RARS2: variants seen among roughly 807,000 people sequenced by gnomAD.
RARS2 encodes arginyl-tRNA synthetase 2, mitochondrial.
Under a neutral mutation model 88.5 loss-of-function variants are expected in RARS2, and 67 were observed. The observed-to-expected ratio is 0.76, with a 90% CI of 0.62 to 0.93. RARS2 has a LOEUF of 0.93. RARS2 is among the 40% of genes least tolerant of loss of function. The pLI is 0.00. For synonymous variants in RARS2, 239 were observed against 230.3 expected (o/e 1.04, Z -0.34); for missense variants, 664 against 684.2 (o/e 0.97, Z 0.33).
At chr6:87,533,880 T>G (rs1415162303) in intron 8 of RARS2, among the ~76,000 whole-genome samples, 1 of 152,196 alleles carries the variant, frequency 6.6e-6, no homozygotes, top group Non-Finnish European at 1.5e-5. Context: ...TGGGCACAGT[T>G]TAACTCCTTG....
chr6:87,543,962 A>C (rs181773127), intron 7 of RARS2, among the ~76,000 whole-genome samples: 304 of 152,308 alleles, frequency 2.0e-3, no homozygotes, highest in African/African-American at 6.9e-3. Flanking sequence ...TACATTTTCA[A>C]AAACTAATTC....
intron 8 of RARS2, among the ~76,000 whole-genome samples, chr6:87,541,217 T>C (rs7768566): frequency 0.42 from 63,144 of 152,040 alleles, 13,220 homozygotes; most frequent in Admixed American, 0.49. Flanking sequence ...TGCTCTGTTG[T>C]CCAGGCTGGA....
chr6:87,556,922 G>A (rs1786130451), intron 4 of RARS2, among the ~76,000 whole-genome samples: 1 of 151,894 alleles, frequency 6.6e-6, no homozygotes, highest in South Asian at 2.1e-4. Context: ...AAAGTGCTGG[G>A]ATTATAGGTA....
At chr6:87,586,604 A>C (rs1376247839) in intron 1 of RARS2, among the ~76,000 whole-genome samples, 1 of 152,168 alleles carries the variant, frequency 6.6e-6, no homozygotes. Context: ...GGCAGAAACT[A>C]TTTTCCGTTC....
At chr6:87,562,011 T>C (rs1469823103) in intron 4 of RARS2, among the ~76,000 whole-genome samples, 1 of 152,208 alleles carries the variant, frequency 6.6e-6, no homozygotes, top group East Asian at 1.9e-4. Context: ...GTCACCAAGG[T>C]TGGAGTGCAA....
intron 1 of RARS2, among the ~76,000 whole-genome samples, chr6:87,587,874 G>A (rs564465685): frequency 6.4e-4 from 98 of 152,214 alleles, no homozygotes; most frequent in African/African-American, 2.2e-3. Context: ...GGGCCCAAAC[G>A]ATCCTCCCAC....
intron 5 of RARS2, among the ~76,000 whole-genome samples, chr6:87,549,043 C>T (rs1582582919): frequency 2.0e-5 from 3 of 152,092 alleles, no homozygotes; most frequent in South Asian, 4.2e-4. Context: ...TCAAGACTGT[C>T]TCTACAAAAA....
intron 1 of RARS2, among the ~76,000 whole-genome samples, chr6:87,586,011 G>T (rs75878224): frequency 6.6e-6 from 1 of 152,214 alleles, no homozygotes; most frequent in African/African-American, 2.4e-5. Context: ...ATGAATGGAA[G>T]TTGAAGAAGT....
intron 4 of RARS2, among the ~76,000 whole-genome samples, chr6:87,555,744 T>C (rs925870434): frequency 2.6e-5 from 4 of 152,160 alleles, no homozygotes; most frequent in Admixed American, 6.5e-5. Context: ...TGTCTATTCA[T>C]TCTTACAGTA....
At chr6:87,586,842 ACC>A (rs1775306937) in intron 1 of RARS2, among the ~76,000 whole-genome samples, 1 of 152,050 alleles carries the variant, frequency 6.6e-6, no homozygotes, top group African/African-American at 2.4e-5. Flanking sequence ...CTTTATACTT[ACC>A]TGTTGAGCAT....
chr6:87,530,680 A>C, intron 9 of RARS2, 104 bp downstream of exon 9: 1 of 1,455,724 alleles, frequency 6.9e-7, no homozygotes, highest in Non-Finnish European at 9.6e-7. Context: ...TTCACCTACA[A>C]ATCTATTTTT....
chr6:87,528,242 CAAAAA>C (rs71018029), intron 10 of RARS2, among the ~76,000 whole-genome samples: 1 of 119,692 alleles, frequency 8.4e-6, no homozygotes, highest in African/African-American at 2.9e-5. Context: ...GCTTTTATAA[CAAAAA>C]AAAAAAAAAA....
chr6:87,522,736 C>A (rs570640009), intron 11 of RARS2, among the ~76,000 whole-genome samples: 1 of 152,038 alleles, frequency 6.6e-6, no homozygotes, highest in East Asian at 1.9e-4. Context: ...GGTGATCTAC[C>A]CTCCTCGTCC....
At chr6:87,555,720 C>T (rs1045223031) in intron 4 of RARS2, among the ~76,000 whole-genome samples, 8 of 152,108 alleles carry the variant, frequency 5.3e-5, no homozygotes, top group Admixed American at 3.9e-4. Context: ...GGTTCTGTGC[C>T]CTTTTATACT....
intron 7 of RARS2, among the ~76,000 whole-genome samples, chr6:87,545,100 T>A (rs1209314475): frequency 6.6e-6 from 1 of 152,200 alleles, no homozygotes; most frequent in Non-Finnish European, 1.5e-5. Context: ...CAGGTCTTAC[T>A]CTGGGGTTTC....
intron 18 of RARS2, among the ~76,000 whole-genome samples, chr6:87,516,143 A>G (rs1032107576): frequency 2.6e-5 from 4 of 151,550 alleles, no homozygotes; most frequent in Admixed American, 2.0e-4. Context: ...CCTTTATTAA[A>G]TGGCTTTACA....
chr6:87,531,092 C>A, intron 8 of RARS2, 150 bp from the exon 9 acceptor site: 1 of 1,193,728 alleles, frequency 8.4e-7, no homozygotes, highest in Non-Finnish European at 1.2e-6. Flanking sequence ...TTCTTTTTTG[C>A]CATGGGCCCC....
In RARS2 at chr6:87,530,911, T is replaced by C. The variant is rs1271839069; in HGVS notation, c.644A>G (p.Asp215Gly). 7.4e-6 allele frequency: 12 copies of C among 1,614,104 alleles called. No homozygotes were observed. The highest frequency in any genetic ancestry group is 2.7e-5 in the African/African-American group (2 of 74,938). ...TGCTGCTTTTGCTACACTTTTATCA[T>C]CTGCTGCTTCTTTATTAACTTGTAC... ...VYVQVNKEAADDKSVAKAAQE... is the reference protein window; with the variant it reads ...VYVQVNKEAAGDKSVAKAAQE... Residue 215 changes from aspartate (D) to glycine (G), a missense_variant, in exon 9 of 20, where the codon GAT becomes GGT. Physicochemically the swap from Asp to Gly is moderately conservative, Grantham distance 94. Transcript: ENST00000369536.
At position 87,556,802 on chromosome 6, in the gene RARS2, AAAAAAAATTTTTTTTTTTTCTTTTT is replaced by A. The variant is rs1167180798; in HGVS notation, c.298-1322_298-1298del. Among the ~76,000 whole-genome samples the A allele has an allele frequency of 1.0e-4, 15 of 148,998 alleles. No individual in the cohort carries two copies. In the East Asian group the frequency reaches 2.6e-3, roughly 26 times the overall value. On this transcript the variant is annotated intron_variant, in intron 4 of 19. Coordinates refer to ENST00000369536, the MANE Select transcript of RARS2 (RefSeq NM_020320.5). ...TGAGACTCTGTCTCAAAAAAAAAAA[AAAAAAAATTTTTTTTTTTTCTTTTT>A]AATAGACAGGGTCTCTCGCTCACTC... is the stretch of plus-strand genomic sequence containing the variant.
Sources: allele counts gnomAD v4.1 joint callset (sites outside exome capture counted in the v4.1 genomes callset), GRCh38; gene constraint gnomAD v4.1.1; transcripts MANE v1.5; gene names NCBI Gene and HGNC (gene_info 2026-07-23, HGNC 2026-07-21).